The following NIBAN2 variants were observed in gnomAD, a reference collection of about 807,000 sequenced individuals.
The protein encoded by NIBAN2 is niban apoptosis regulator 2.
A neutral mutation model predicts 81.8 loss-of-function variants in NIBAN2; 36 were observed. That is an observed-to-expected ratio of 0.44 (90% CI 0.34 to 0.58). NIBAN2 has a LOEUF of 0.58. NIBAN2 is among the 20% of genes least tolerant of loss of function. The pLI is 0.02. For missense variants in NIBAN2, 897 were observed against 1,014.1 expected (o/e 0.88, Z 1.57); for synonymous variants, 445 against 441.6 (o/e 1.01, Z -0.10).
rs1266902426 is a variant in NIBAN2, at chr9:127,563,662, A to G, written c.55+5158T>C. Reference sequence around the variant, plus strand: ...CGCAGCCTCCCAAGTAGCTGGGACTACAGGCACGCACCACCAGGCCCGGCT... The same window carrying G: ...CGCAGCCTCCCAAGTAGCTGGGACTGCAGGCACGCACCACCAGGCCCGGCT... On this transcript the variant is annotated intron_variant, in intron 1 of 13. Coordinates refer to ENST00000373312, the MANE Select transcript of NIBAN2 (RefSeq NM_022833.4). The surrounding 1 kb of genome is among the most constrained non-coding windows in gnomAD (Gnocchi z 4.1). Among the ~76,000 whole-genome samples the G allele has an allele frequency of 6.6e-6, 1 of 152,014 alleles. No homozygotes were observed. The highest frequency in any genetic ancestry group is 1.9e-4 in the East Asian group (1 of 5,170).
chr9:127,518,876 CTTTG>C, intron 5 of NIBAN2, among the ~76,000 whole-genome samples: 1 of 152,160 alleles, frequency 6.6e-6, no homozygotes, highest in East Asian at 1.9e-4. Flanking sequence ...GCTTGAATAA[CTTTG>C]TTAAAGAATG....
At chr9:127,547,211 C>G (rs1220453590) in intron 1 of NIBAN2, among the ~76,000 whole-genome samples, 4 of 152,196 alleles carry the variant, frequency 2.6e-5, no homozygotes, top group Non-Finnish European at 5.9e-5. Flanking sequence ...CTCTGAACCT[C>G]TGTTTCCTCA....
chr9:127,553,452 T>C (rs1837613856), intron 1 of NIBAN2, among the ~76,000 whole-genome samples: 1 of 152,216 alleles, frequency 6.6e-6, no homozygotes. Flanking sequence ...CGGAAACTCT[T>C]CCTGAGTATT....
rs1367282653 is a variant in NIBAN2 at position 127,545,615 on chromosome 9, TTCTCGGTTGGCAAA to T, written c.56-13851_56-13838del. Among the ~76,000 whole-genome samples, 2 of 152,046 alleles carry T rather than the reference TTCTCGGTTGGCAAA, an allele frequency of 1.3e-5. No homozygotes were observed. The highest frequency in any genetic ancestry group is 2.9e-5 in the Non-Finnish European group (2 of 67,994). On this transcript the variant is annotated intron_variant, in intron 1 of 13. Coordinates refer to ENST00000373312, the MANE Select transcript of NIBAN2 (RefSeq NM_022833.4). This position sits in a 1 kb window ranked among gnomAD's most constrained non-coding sequence, Gnocchi z 4.7. ...TTTCACAAGGCTGCCTTGAAAACTC[TTCTCGGTTGGCAAA>T]TATTTAACCAGGGCTGGGCCACAAC...
intron 2 of NIBAN2, 135 bp from the exon 3 acceptor site, chr9:127,527,457 G>C: frequency 1.2e-6 from 1 of 806,338 alleles, no homozygotes; most frequent in Admixed American, 2.1e-5. Context: ...GTCTCCCCAA[G>C]TCCTCCCAAG....
Position 127,507,073 on chromosome 9 carries a change from G to A in NIBAN2, c.2013C>T (p.Pro671=). The A allele has an allele frequency of 1.9e-6, 3 of 1,575,300 alleles. No individual in the cohort carries two copies. Among genetic ancestry groups the A allele is most frequent in the Non-Finnish European group, 2.6e-6 (3 of 1,160,390 alleles). Residue 671 remains proline (P), a synonymous_variant, in exon 14 of 14, where the codon CCC becomes CCT. Transcript: ENST00000373312. The surrounding 1 kb of genome is among the most constrained non-coding windows in gnomAD (Gnocchi z 6.8). ...LRPESPPPAG[P]LLNGAPAGES... is the part of the protein sequence containing the mutation. ...CCCCAGCGGGGGCCCCGTTGAGCAG[G>A]GGGCCGGCTGGTGGGGGGCTCTCAG...
chr9:127,546,065 C>T (rs1057020856), intron 1 of NIBAN2, among the ~76,000 whole-genome samples: 8 of 152,210 alleles, frequency 5.3e-5, no homozygotes, highest in Non-Finnish European at 1.0e-4. Context: ...GGGGTGGGCA[C>T]CCAAGGCTGC....
rs1263470572 is a variant in NIBAN2, at chr9:127,516,923, C to G, written c.907G>C (p.Ala303Pro). The G allele has an allele frequency of 1.2e-6, 2 of 1,614,220 alleles. No homozygotes were observed. Among genetic ancestry groups the G allele is most frequent in the African/African-American group, 2.7e-5 (2 of 75,062 alleles). Reference protein sequence around the residue: ...KVQQVQPAMQAVIRTDMDQII... With the variant: ...KVQQVQPAMQPVIRTDMDQII... Reference sequence around the variant, plus strand: ...TGGTCCATGTCAGTTCGGATGACGGCCTGCATGGCCGGCTGCACCTGCTGC... The same window carrying G: ...TGGTCCATGTCAGTTCGGATGACGGGCTGCATGGCCGGCTGCACCTGCTGC... Residue 303 changes from alanine to proline, a missense_variant, in exon 8 of 14, where the codon GCC becomes CCC. Transcript: ENST00000373312.
In NIBAN2 at chr9:127,507,326, A is replaced by G. The variant is rs1836626949; in HGVS notation, c.1760T>C (p.Ile587Thr). The G allele has an allele frequency of 6.4e-7, 1 of 1,566,594 alleles. No individual in the cohort carries two copies. The highest frequency in any genetic ancestry group is 8.7e-7 in the Non-Finnish European group (1 of 1,152,482). ...GTTGCTGTACTCCTCGCCCCAGTCG[A>G]TGGGGGCGCCCTCGGCCAGCAGGTG... is the stretch of plus-strand genomic sequence containing the variant. The part of the protein sequence containing the change: ...NLHLLAEGAP[I>T]DWGEEYSNSG... Residue 587 changes from isoleucine (I) to threonine (T), a missense_variant, in exon 14 of 14, where the codon ATC (isoleucine) becomes ACC (threonine). Around this residue, in one of 3 missense-constraint regions of NIBAN2, gnomAD observed 619 missense variants for 691.0 expected, o/e 0.90. Coordinates refer to ENST00000373312, the MANE Select transcript of NIBAN2 (RefSeq NM_022833.4). The surrounding 1 kb of genome is among the most constrained non-coding windows in gnomAD (Gnocchi z 6.8).
intron 8 of NIBAN2, among the ~76,000 whole-genome samples, chr9:127,516,218 C>G (rs1836827114): frequency 6.6e-6 from 1 of 152,216 alleles, no homozygotes; most frequent in Non-Finnish European, 1.5e-5. Flanking sequence ...TTATGGGGAC[C>G]AAGCTGGTGA....
rs1836855260 is a variant in NIBAN2, at chr9:127,517,452, A to C, written c.706-236T>G. ...AGGGCCAGCCCCAGGGCCTTTGCACAGGCTGCCTTCCCTACCTAGAATACC... is the reference window on the plus strand; with the variant it reads ...AGGGCCAGCCCCAGGGCCTTTGCACCGGCTGCCTTCCCTACCTAGAATACC... On this transcript the variant is annotated intron_variant, in intron 6 of 13. Coordinates refer to ENST00000373312, the MANE Select transcript of NIBAN2 (RefSeq NM_022833.4). The surrounding 1 kb of genome is among the most constrained non-coding windows in gnomAD (Gnocchi z 4.0). 6.6e-6 allele frequency among the ~76,000 whole-genome samples: 1 copy of C among 152,158 alleles called. No individual in the cohort carries two copies. The highest frequency in any genetic ancestry group is 1.5e-5 in the Non-Finnish European group (1 of 68,016).
upstream of NIBAN2, among the ~76,000 whole-genome samples, chr9:127,574,007 G>A (rs1485923736): frequency 1.3e-5 from 2 of 152,142 alleles, no homozygotes; most frequent in Non-Finnish European, 2.9e-5. Flanking sequence ...CTTTTCTGTG[G>A]GAATGTCTAT....
intron 2 of NIBAN2, 96 bp from the exon 3 acceptor site, chr9:127,527,418 C>T: frequency 7.4e-6 from 9 of 1,216,788 alleles, no homozygotes; most frequent in Middle Eastern, 2.4e-4. Flanking sequence ...TGTGTGCGCA[C>T]CCCCTGCCTA....
intron 1 of NIBAN2, 125 bp downstream of exon 1, chr9:127,568,695 C>T (rs1301429489): frequency 2.3e-6 from 2 of 853,080 alleles, no homozygotes; most frequent in Non-Finnish European, 3.0e-6. Flanking sequence ...TCCCTGGCAG[C>T]TCCCACCGGC....
intron 1 of NIBAN2, among the ~76,000 whole-genome samples, chr9:127,533,330 G>A (rs933791827): frequency 1.1e-4 from 17 of 152,142 alleles, no homozygotes; most frequent in Non-Finnish European, 1.8e-4. Context: ...GGTGGCGGGC[G>A]CCTGTAGTCC....
intron 1 of NIBAN2, among the ~76,000 whole-genome samples, chr9:127,543,238 C>A (rs1478170337): frequency 2.6e-5 from 4 of 152,188 alleles, no homozygotes; most frequent in Non-Finnish European, 5.9e-5. Flanking sequence ...AGTTAGGGAG[C>A]CCTCCTACCC....
chr9:127,559,303 A>G lies in NIBAN2; in HGVS notation c.55+9517T>C, dbSNP rs1837730192. Among the ~76,000 whole-genome samples the G allele has an allele frequency of 6.6e-6, 1 of 152,176 alleles. No homozygotes were observed. The highest frequency in any genetic ancestry group is 2.4e-5 in the African/African-American group (1 of 41,444). On this transcript the variant is annotated intron_variant, in intron 1 of 13. Transcript: ENST00000373312. The surrounding 1 kb of genome is among the most constrained non-coding windows in gnomAD (Gnocchi z 4.0). ...GCCTCCTGCAATGTGGAGGTGCTGC[A>G]CCTGCTCTGTGCCTTCAGTGCAGCC...
At position 127,563,178 on chromosome 9, in the gene NIBAN2, G is replaced by A. The variant is rs1837802176; in HGVS notation, c.55+5642C>T. Among the ~76,000 whole-genome samples, 1 of 152,190 alleles carries A rather than the reference G, an allele frequency of 6.6e-6. No homozygotes were observed. Among genetic ancestry groups the A allele is most frequent in the South Asian group, 2.1e-4 (1 of 4,834 alleles). On this transcript the variant is annotated intron_variant, in intron 1 of 13. Transcript: ENST00000373312. This position sits in a 1 kb window ranked among gnomAD's most constrained non-coding sequence, Gnocchi z 4.1. ...AGGAGGCTGGAGCAGCTCTGAGTAG[G>A]CGAGGCCGGCACTCAGGCCCCAGCA...
rs763627681 is a variant in NIBAN2 at position 127,531,707 on chromosome 9, T to C, written c.127A>G (p.Ser43Gly). ...GTGCCCTCAATCTCATGGCGCATGC[T>C]GTTGAAGAGAGCCACGCCATACTGG... ...EDQYGVALFNSMRHEIEGTGL... is the reference protein window; with the variant it reads ...EDQYGVALFNGMRHEIEGTGL... The change falls in exon 2 of 14, where the codon AGC becomes GGC. Residue 43 changes from serine (S) to glycine (G), a missense_variant. Around this residue, in one of 3 missense-constraint regions of NIBAN2, gnomAD observed 209 missense variants for 208.4 expected, o/e 1.00. Coordinates refer to ENST00000373312, the MANE Select transcript of NIBAN2 (RefSeq NM_022833.4). The C allele has an allele frequency of 3.7e-6, 6 of 1,614,066 alleles. No homozygotes were observed. The South Asian group carries it at 6.6e-5, about 18-fold the overall frequency.
Sources: gnomAD v4.1 joint callset for allele counts (sites outside exome capture counted in the v4.1 genomes callset) on GRCh38, gnomAD v4.1.1 for gene constraint, gnomAD v4.1.1 regional missense constraint, Gnocchi (gnomAD v3.1) non-coding constraint, MANE v1.5 for transcripts, NCBI Gene and HGNC (gene_info 2026-07-23, HGNC 2026-07-21) for gene names.